The following MAP4K4 variants were observed in gnomAD, a reference collection of about 807,000 sequenced individuals.
The protein encoded by MAP4K4 is HPK/GCK-like kinase HGK.
Under a neutral mutation model 189.6 loss-of-function variants are expected in MAP4K4, and 38 were observed. The ratio of observed to expected loss-of-function variants is 0.20; its 90% CI spans 0.15 to 0.26. The LOEUF is 0.26. MAP4K4 is among the 10% of genes least tolerant of loss of function. The pLI, the probability that MAP4K4 is intolerant of heterozygous loss-of-function variation, is 1.00. For synonymous variants in MAP4K4, 610 were observed against 624.3 expected, an observed-to-expected ratio of 0.98 and a Z score of 0.34; for missense variants, 1,054 against 1,726.9, an observed-to-expected ratio of 0.61 and a Z score of 6.91.
chr2:101,864,020 C>T, exon 17 of MAP4K4: 1 of 1,366,872 alleles, frequency 7.3e-7, no homozygotes, highest in Non-Finnish European at 9.8e-7. Flanking sequence ...AAGGCTTGGT[C>T]TAGATCAGAC....
chr2:101,833,735 G>T (rs905860152), intron 7 of MAP4K4, among the ~76,000 whole-genome samples: 7 of 152,116 alleles, frequency 4.6e-5, no homozygotes, highest in Non-Finnish European at 1.0e-4. Context: ...TGCTTTCATG[G>T]AACTTATATT....
intron 12 of MAP4K4, among the ~76,000 whole-genome samples, chr2:101,849,404 C>T (rs1389605118): frequency 6.6e-6 from 1 of 152,200 alleles, no homozygotes; most frequent in Non-Finnish European, 1.5e-5. Flanking sequence ...GCTGGAATTA[C>T]AGGCATGAGC....
chr2:101,860,666 G>A, intron 15 of MAP4K4, 159 bp from the exon 16 acceptor site: 3 of 614,130 alleles, frequency 4.9e-6, no homozygotes, highest in Admixed American at 3.1e-5. Context: ...TCCTAGCACT[G>A]CTTTATGTAC....
intron 3 of MAP4K4, among the ~76,000 whole-genome samples, chr2:101,821,446 C>T (rs1357545374): frequency 2.0e-5 from 3 of 152,022 alleles, no homozygotes; most frequent in African/African-American, 7.3e-5. Context: ...CAGACATGTA[C>T]AATATGCTAC....
At chr2:101,719,991 G>A (rs957902809) in intron 2 of MAP4K4, among the ~76,000 whole-genome samples, 4 of 151,904 alleles carry the variant, frequency 2.6e-5, no homozygotes, top group African/African-American at 9.7e-5. Context: ...CAGCCTGGGC[G>A]ACAAGAGTGA....
exon 33 of MAP4K4, chr2:101,894,409 G>A (rs927398442): frequency 7.9e-5 from 12 of 152,746 alleles, no homozygotes; most frequent in East Asian, 3.8e-4. Flanking sequence ...ACACTAATGC[G>A]CACCACATAT....
At chr2:101,740,833 T>A (rs1342992410) in intron 2 of MAP4K4, among the ~76,000 whole-genome samples, 1 of 152,204 alleles carries the variant, frequency 6.6e-6, no homozygotes, top group Non-Finnish European at 1.5e-5. Flanking sequence ...CTAAATTTTG[T>A]GGAAGTGCAA....
At chr2:101,875,585 A>G (rs1323254016) in intron 26 of MAP4K4, among the ~76,000 whole-genome samples, 1 of 152,140 alleles carries the variant, frequency 6.6e-6, no homozygotes, top group Non-Finnish European at 1.5e-5. Flanking sequence ...GTGGGCATAC[A>G]TGTATGTGCC....
At chr2:101,749,359 A>G (rs1438272733) in intron 2 of MAP4K4, among the ~76,000 whole-genome samples, 1 of 151,662 alleles carries the variant, frequency 6.6e-6, no homozygotes, top group African/African-American at 2.4e-5. Flanking sequence ...AACGCTGCAT[A>G]TCTACAACCA....
intron 2 of MAP4K4, among the ~76,000 whole-genome samples, chr2:101,761,440 T>C (rs1246548640): frequency 1.3e-5 from 2 of 152,188 alleles, no homozygotes; most frequent in Non-Finnish European, 2.9e-5. Flanking sequence ...GTGTTTTGTG[T>C]GTCTGGCATC....
chr2:101,817,204 A>G (rs1020122664), intron 3 of MAP4K4, among the ~76,000 whole-genome samples: 2 of 152,154 alleles, frequency 1.3e-5, no homozygotes, highest in African/African-American at 4.8e-5. Context: ...GGGCTCGACG[A>G]GGTCAACTGT....
At chr2:101,809,430 C>A (rs933230220) in intron 3 of MAP4K4, among the ~76,000 whole-genome samples, 1 of 151,650 alleles carries the variant, frequency 6.6e-6, no homozygotes, top group Non-Finnish European at 1.5e-5. Flanking sequence ...GTGGTTTAAT[C>A]GATATATTTT....
intron 10 of MAP4K4, among the ~76,000 whole-genome samples, chr2:101,842,352 C>T (rs957856108): frequency 5.3e-5 from 8 of 152,194 alleles, no homozygotes; most frequent in Admixed American, 4.6e-4. Flanking sequence ...ACGTCCTCAG[C>T]AGTACATCCC....
chr2:101,763,751 C>G (rs922214130), intron 2 of MAP4K4, among the ~76,000 whole-genome samples: 1 of 152,090 alleles, frequency 6.6e-6, no homozygotes, highest in Non-Finnish European at 1.5e-5. Context: ...CTATGAGAAA[C>G]AAAGGTGAGG....
intron 2 of MAP4K4, among the ~76,000 whole-genome samples, chr2:101,759,426 T>A (rs2074628734): frequency 6.6e-6 from 1 of 150,968 alleles, no homozygotes; most frequent in Admixed American, 6.6e-5. Flanking sequence ...TGAAATGAGC[T>A]TTTTCTTTCC....
At chr2:101,715,811 G>A (rs10165454) in intron 2 of MAP4K4, among the ~76,000 whole-genome samples, 30,961 of 152,128 alleles carry the variant, frequency 0.2, 7,002 homozygotes, top group African/African-American at 0.56. Context: ...CCCCACAGCA[G>A]GAGGTAAGCA....
chr2:101,750,967 C>A (rs375656344), intron 2 of MAP4K4, among the ~76,000 whole-genome samples: 1 of 152,124 alleles, frequency 6.6e-6, no homozygotes, highest in East Asian at 1.9e-4. Flanking sequence ...CTTTTCACTT[C>A]CTTCTGTTTT....
chr2:101,771,358 TAA>T (rs1328232468), intron 2 of MAP4K4, among the ~76,000 whole-genome samples: 1 of 152,212 alleles, frequency 6.6e-6, no homozygotes, highest in Non-Finnish European at 1.5e-5. Flanking sequence ...CGCCAGGATC[TAA>T]AGTGAGATGA....
chr2:101,804,773 C>T (rs2094745203), intron 3 of MAP4K4, among the ~76,000 whole-genome samples: 1 of 152,184 alleles, frequency 6.6e-6, no homozygotes, highest in South Asian at 2.1e-4. Context: ...ATGCAACCCT[C>T]AGTAGCTCTT....
Sources: allele counts gnomAD v4.1 joint callset (sites outside exome capture counted in the v4.1 genomes callset), GRCh38; gene constraint gnomAD v4.1.1; transcripts MANE v1.5; gene names NCBI Gene and HGNC (gene_info 2026-07-23, HGNC 2026-07-21).